Variants in PDE1C observed in about 807,000 individuals in gnomAD.
PDE1C encodes dual specificity calcium/calmodulin-dependent 3',5'-cyclic nucleotide phosphodiesterase 1C.
A neutral mutation model predicts 93.1 loss-of-function variants in PDE1C; 62 were observed. The ratio of observed to expected loss-of-function variants is 0.67; its 90% confidence interval spans 0.54 to 0.82. The LOEUF is 0.82. Ranked by LOEUF, PDE1C falls within the 40% of genes least tolerant of loss-of-function variation. The pLI, the probability that PDE1C is intolerant of heterozygous loss-of-function variation, is 0.00. For synonymous variants in PDE1C, 325 were observed against 310.1 expected (o/e 1.05, Z -0.50); for missense variants, 742 against 884.6 (o/e 0.84, Z 2.04).
chr7:32,071,230 G>T, upstream of PDE1C: 1 of 985,426 alleles, frequency 1.0e-6, no homozygotes, highest in Non-Finnish European at 1.2e-6. Flanking sequence ...GGCTCCGCGC[G>T]CAAGTAGGAG....
chr7:31,825,785 T>C (rs1163356039), intron 12 of PDE1C, among the ~76,000 whole-genome samples: 1 of 152,084 alleles, frequency 6.6e-6, no homozygotes, highest in Non-Finnish European at 1.5e-5. Context: ...GTACTGCCTC[T>C]GTATGGGATC....
chr7:31,681,896 T>G, the PDE1C span, among the ~76,000 whole-genome samples: 3 of 152,190 alleles, frequency 2.0e-5, no homozygotes, highest in African/African-American at 7.2e-5. Context: ...CATAACAAGT[T>G]GAAATTTTAG....
At chr7:31,822,493 G>A (rs1380342008) in intron 14 of PDE1C, among the ~76,000 whole-genome samples, 2 of 152,116 alleles carry the variant, frequency 1.3e-5, no homozygotes, top group Non-Finnish European at 2.9e-5. Flanking sequence ...TCTGTTGATA[G>A]TACCAAGGGC....
At chr7:32,398,355 C>T (rs757005400) in intron 1 of PDE1C, among the ~76,000 whole-genome samples, 4 of 150,558 alleles carry the variant, frequency 2.7e-5, no homozygotes. Context: ...TGAACTGATA[C>T]GGGATGATTT....
At chr7:31,865,943 T>A (rs950953179) in intron 6 of PDE1C, among the ~76,000 whole-genome samples, 1 of 152,194 alleles carries the variant, frequency 6.6e-6, no homozygotes, top group African/African-American at 2.4e-5. Flanking sequence ...AATACTTCAG[T>A]CTTTATTTGC....
rs1447401022 is a variant in PDE1C at position 31,899,522 on chromosome 7, G to C, written c.129-18662C>G. ...GCGGCAGCTGATAGTGTAAGCCCCG[G>C]GAGATCCCAAATGCCCGGTTATTAA... On this transcript the variant is annotated intron_variant, in intron 2 of 17. Coordinates refer to ENST00000396191, the MANE Select transcript of PDE1C (RefSeq NM_001191057.4). Among the ~76,000 whole-genome samples the C allele has an allele frequency of 3.3e-5, 5 of 152,034 alleles. No homozygotes were observed. In the South Asian group the frequency reaches 1.0e-3, roughly 32 times the overall value.
chr7:31,680,552 T>C, the PDE1C span, among the ~76,000 whole-genome samples: 1 of 152,220 alleles, frequency 6.6e-6, no homozygotes, highest in Non-Finnish European at 1.5e-5. Context: ...TGAGAACATA[T>C]ACCTCATGGG....
At chr7:32,156,737 A>G (rs1350137724) in intron 3 of PDE1C, among the ~76,000 whole-genome samples, 1 of 152,212 alleles carries the variant, frequency 6.6e-6, no homozygotes, top group Non-Finnish European at 1.5e-5. Flanking sequence ...CATAGAAAAG[A>G]AGTGATAGGG....
chr7:31,728,213 C>T, the PDE1C span, among the ~76,000 whole-genome samples: 1 of 152,178 alleles, frequency 6.6e-6, no homozygotes, highest in Non-Finnish European at 1.5e-5. Flanking sequence ...GACAAGGATC[C>T]TTCCTAAGTG....
chr7:31,642,411 G>A, the PDE1C span, among the ~76,000 whole-genome samples: 6 of 152,172 alleles, frequency 3.9e-5, no homozygotes, highest in African/African-American at 1.4e-4. Flanking sequence ...GAAGGCACAA[G>A]CCACCTGCAC....
intron 9 of PDE1C, among the ~76,000 whole-genome samples, chr7:31,847,097 T>C (rs928221486): frequency 6.6e-6 from 1 of 152,120 alleles, no homozygotes. Flanking sequence ...GCCTGCAGGG[T>C]TTGAAGTACC....
At chr7:31,637,836 C>G in the PDE1C span, among the ~76,000 whole-genome samples, 1 of 152,150 alleles carries the variant, frequency 6.6e-6, no homozygotes, top group Non-Finnish European at 1.5e-5. Flanking sequence ...AACAGTATTG[C>G]CTAGGTTTTC....
chr7:31,652,177 T>C, the PDE1C span: 11 of 773,154 alleles, frequency 1.4e-5, no homozygotes, highest in African/African-American at 1.9e-4. Context: ...TCATTTTAAG[T>C]ATACAGAGAA....
intron 1 of PDE1C, among the ~76,000 whole-genome samples, chr7:32,375,518 A>G (rs1178696943): frequency 6.6e-6 from 1 of 152,240 alleles, no homozygotes; most frequent in Non-Finnish European, 1.5e-5. Context: ...TGGTGGTGGT[A>G]TATCAACAAC....
chr7:32,381,351 G>C (rs765365452), intron 1 of PDE1C, among the ~76,000 whole-genome samples: 8 of 151,962 alleles, frequency 5.3e-5, no homozygotes, highest in Non-Finnish European at 8.8e-5. Flanking sequence ...ACTGTTCATC[G>C]CTGCACCCTT....
chr7:31,990,314 T>C (rs1784001785), intron 2 of PDE1C, among the ~76,000 whole-genome samples: 1 of 152,116 alleles, frequency 6.6e-6, no homozygotes, highest in Non-Finnish European at 1.5e-5. Context: ...TAAATGGGAG[T>C]TCCCCCACAT....
At chr7:32,219,762 T>C (rs1426736919) in intron 1 of PDE1C, among the ~76,000 whole-genome samples, 1 of 152,204 alleles carries the variant, frequency 6.6e-6, no homozygotes, top group Non-Finnish European at 1.5e-5. Context: ...GCAAAGCCAA[T>C]CACTAGCAGT....
chr7:32,391,827 T>C (rs1784756139), intron 1 of PDE1C, among the ~76,000 whole-genome samples: 1 of 151,822 alleles, frequency 6.6e-6, no homozygotes, highest in African/African-American at 2.4e-5. Context: ...ATTTGGAGGA[T>C]AAAGACAAAG....
At chr7:31,998,921 T>C (rs2128554205) in intron 2 of PDE1C, among the ~76,000 whole-genome samples, 1 of 152,352 alleles carries the variant, frequency 6.6e-6, no homozygotes, top group East Asian at 1.9e-4. Flanking sequence ...AGGTCACAGC[T>C]GAGGTTGCTG....
Sources: gnomAD v4.1 joint callset for allele counts (sites outside exome capture counted in the v4.1 genomes callset) on GRCh38, gnomAD v4.1.1 for gene constraint, MANE v1.5 for transcripts, NCBI Gene and HGNC (gene_info 2026-07-23, HGNC 2026-07-21) for gene names.